Variants in CAMKV observed in about 807,000 individuals in gnomAD.
The protein encoded by CAMKV is CaM kinase like vesicle associated, also known as caM kinase-like vesicle-associated protein.
In CAMKV, 5 loss-of-function variants were observed where a neutral mutation model predicts 50.2. The observed-to-expected ratio is 0.10, with a 90% confidence interval of 0.05 to 0.21. The LOEUF is 0.21. Among genes scored for constraint, CAMKV ranks in the 10% least tolerant of loss-of-function variants. The pLI, the probability that CAMKV is intolerant of heterozygous loss-of-function variation, is 1.00. For missense variants in CAMKV, 361 were observed against 650.5 expected (o/e 0.55, Z 4.84); for synonymous variants, 229 against 250.1 (o/e 0.92, Z 0.80).
At position 49,861,107 on chromosome 3, in the gene CAMKV, T is replaced by G. The variant is rs746342901; in HGVS notation, c.562+73A>C. The G allele has an allele frequency of 6.3e-7, 1 of 1,596,250 alleles. No individual in the cohort carries two copies. The highest frequency in any genetic ancestry group is 8.5e-7 in the Non-Finnish European group (1 of 1,170,808). On this transcript the variant is annotated intron_variant, in intron 6 of 10. Transcript: ENST00000477224. The surrounding 1 kb of genome is among the most constrained non-coding windows in gnomAD (Gnocchi z 7.7). ...CCAGCTTCCTGAGATGAGCACATTT[T>G]CCCCCTGCCCAGAGCAGCTCCCTGA...
Position 49,861,240 on chromosome 3 carries a change from G to A in CAMKV, c.502C>T (p.His168Tyr). Residue 168 changes from histidine (H) to tyrosine (Y), a missense_variant, in exon 6 of 11, where the codon CAT (histidine) becomes TAT (tyrosine). Physicochemically the swap from His to Tyr is moderately conservative, Grantham distance 83 (BLOSUM62 2). Transcript: ENST00000477224. This position sits in a 1 kb window ranked among gnomAD's most constrained non-coding sequence, Gnocchi z 7.7. ...KNSKIVISDF[H>Y]LAKLENGLIK... ...AGGCCATTTTCTAGCTTAGCCAGAT[G>A]GAAGTCACTGATGACAATCTTCGAG... The A allele has an allele frequency of 1.9e-6, 3 of 1,614,040 alleles. No homozygotes were observed. Among genetic ancestry groups the A allele is most frequent in the Non-Finnish European group, 2.5e-6 (3 of 1,179,980 alleles).
In CAMKV at chr3:49,860,515, C is replaced by T. The variant is rs971476460; in HGVS notation, c.810G>A (p.Glu270=). The part of the protein sequence containing the change: ...KDLVTRLMEV[E]QDQRITAEEA... Reference sequence around the variant, plus strand: ...CTTCTGCAGTGATCCGCTGGTCTTGCTCCACCTCCATCAGCCTTGTGACCA... The same window carrying T: ...CTTCTGCAGTGATCCGCTGGTCTTGTTCCACCTCCATCAGCCTTGTGACCA... The change falls in exon 9 of 11, where the codon GAG becomes GAA. Residue 270 remains glutamate, a synonymous_variant. Transcript: ENST00000477224. The surrounding 1 kb of genome is among the most constrained non-coding windows in gnomAD (Gnocchi z 6.1). 5 of 1,613,504 alleles carry T rather than the reference C, an allele frequency of 3.1e-6. No homozygotes were observed. The highest frequency in any genetic ancestry group is 2.2e-5 in the South Asian group (2 of 90,952).
intron 1 of CAMKV, among the ~76,000 whole-genome samples, chr3:49,864,790 C>T (rs1034993875): frequency 2.0e-5 from 3 of 152,152 alleles, no homozygotes; most frequent in Non-Finnish European, 4.4e-5. Flanking sequence ...AGATGCTCCC[C>T]GACCTGAAGG....
chr3:49,865,855 C>A (rs918186864), intron 1 of CAMKV, among the ~76,000 whole-genome samples: 1 of 152,220 alleles, frequency 6.6e-6, no homozygotes, highest in Non-Finnish European at 1.5e-5. Flanking sequence ...GCCAGTGTGG[C>A]GTGGGTGGGA....
Position 49,862,268 on chromosome 3 carries a change from C to G in CAMKV, c.95+26G>C. 1.2e-6 allele frequency: 2 copies of G among 1,614,186 alleles called. No individual in the cohort carries two copies. Among genetic ancestry groups the G allele is most frequent in the East Asian group, 2.2e-5 (1 of 44,892 alleles). ...AGCCCCTGCTCACCAGCCCACCCAG[C>G]CTTGCCTGACAGGCCCGGCACTCAC... is the stretch of plus-strand genomic sequence containing the variant. On this transcript the variant is annotated intron_variant, in intron 2 of 10. Transcript: ENST00000477224. The surrounding 1 kb of genome is among the most constrained non-coding windows in gnomAD (Gnocchi z 5.2).
chr3:49,868,087 GC>G (rs1207733154), intron 1 of CAMKV, among the ~76,000 whole-genome samples: 1 of 152,180 alleles, frequency 6.6e-6, no homozygotes, highest in Non-Finnish European at 1.5e-5. Flanking sequence ...AGCTGCTGCA[GC>G]CCCCCAGTCA....
rs2081998779 is a variant in CAMKV, at chr3:49,859,064, G to T, written c.*254C>A. ...CAAGGAACAGAAACTGGTGAAGCTA[G>T]CAAAAGACAGAAAAGCCACAAGGAA... is the stretch of plus-strand genomic sequence containing the variant. On this transcript the variant is annotated 3_prime_UTR_variant, in exon 11 of 11. Coordinates refer to ENST00000477224, the MANE Select transcript of CAMKV (RefSeq NM_024046.5). This position sits in a 1 kb window ranked among gnomAD's most constrained non-coding sequence, Gnocchi z 5.5. 7.0e-6 allele frequency: 3 copies of T among 427,676 alleles called. No individual in the cohort carries two copies. Among genetic ancestry groups the T allele is most frequent in the Non-Finnish European group, 1.2e-5 (3 of 241,508 alleles). 26.5% of individuals were successfully genotyped at this position (427,676 alleles called of 1,614,324 possible). A position where few individuals can be genotyped will look rare whatever the true frequency, so the allele number is the denominator to read the frequency against.
At chr3:49,865,596 G>A (rs1158386269) in intron 1 of CAMKV, among the ~76,000 whole-genome samples, 2 of 152,232 alleles carry the variant, frequency 1.3e-5, no homozygotes, top group Non-Finnish European at 2.9e-5. Context: ...GGTAGGAAGT[G>A]TGGGCACTGG....
In CAMKV at chr3:49,858,548, A is replaced by C; in HGVS notation, c.*770T>G. 5.1e-6 allele frequency: 2 copies of C among 393,362 alleles called. No individual in the cohort carries two copies. The highest frequency in any genetic ancestry group is 4.4e-5 in the Admixed American group (1 of 22,560). 24.4% of individuals were successfully genotyped at this position (393,362 alleles called of 1,614,324 possible). A position where few individuals can be genotyped will look rare whatever the true frequency, so the allele number is the denominator to read the frequency against. ...CTTGTACTCTGCCCTGCCAGGTCTCATTGCCACGTCCTAATTGTTCCTCCT... is the reference window on the plus strand; with the variant it reads ...CTTGTACTCTGCCCTGCCAGGTCTCCTTGCCACGTCCTAATTGTTCCTCCT... On this transcript the variant is annotated 3_prime_UTR_variant, in exon 11 of 11. Transcript: ENST00000477224.
At position 49,858,908 on chromosome 3, in the gene CAMKV, G is replaced by A. The variant is rs1162122233; in HGVS notation, c.*410C>T. On this transcript the variant is annotated 3_prime_UTR_variant, in exon 11 of 11. Coordinates refer to ENST00000477224, the MANE Select transcript of CAMKV (RefSeq NM_024046.5). ...GGCCTCGCTGGAGGACCAGCTCTCA[G>A]GGCAAGGCCGCCCAAGTTTAGGGCC... 1 of 185,308 alleles carries A rather than the reference G, an allele frequency of 5.4e-6. No individual in the cohort carries two copies. The allele number at this position is 185,308 out of a possible 1,614,324, so 11.5% of individuals were successfully genotyped here.
intron 1 of CAMKV, among the ~76,000 whole-genome samples, chr3:49,867,390 G>C (rs1575410298): frequency 6.6e-6 from 1 of 152,202 alleles, no homozygotes; most frequent in East Asian, 1.9e-4. Context: ...CTCCAGTTTT[G>C]GGGGTGGGCA....
intron 1 of CAMKV, among the ~76,000 whole-genome samples, chr3:49,864,802 A>G (rs1291947132): frequency 1.3e-5 from 2 of 152,158 alleles, no homozygotes; most frequent in African/African-American, 4.8e-5. Flanking sequence ...ACCTGAAGGC[A>G]CTCACAGCCT....
At chr3:49,866,821 A>G (rs2082068725) in intron 1 of CAMKV, among the ~76,000 whole-genome samples, 1 of 152,224 alleles carries the variant, frequency 6.6e-6, no homozygotes, top group Non-Finnish European at 1.5e-5. Flanking sequence ...AAACGGGACA[A>G]AGGCCAAGAG....
intron 1 of CAMKV, among the ~76,000 whole-genome samples, chr3:49,864,239 G>A (rs192803183): frequency 6.6e-6 from 1 of 152,332 alleles, no homozygotes; most frequent in Non-Finnish European, 1.5e-5. Context: ...GCAGCATTAG[G>A]ACTCAGTAGG....
Position 49,862,323 on chromosome 3 carries a change from G to T in CAMKV, c.66C>A (p.Asp22Glu). 1 of 1,614,212 alleles carries T rather than the reference G, an allele frequency of 6.2e-7. No homozygotes were observed. The highest frequency in any genetic ancestry group is 1.1e-5 in the South Asian group (1 of 91,088). Residue 22 changes from aspartate (D) to glutamate (E), a missense_variant, in exon 2 of 11, where the codon GAC becomes GAA. By Grantham distance (45) the Asp-to-Glu change is conservative. This residue lies in a region of CAMKV where 172 missense variants were observed against 414.3 expected (regional missense o/e 0.42). Transcript: ENST00000477224. The surrounding 1 kb of genome is among the most constrained non-coding windows in gnomAD (Gnocchi z 5.2). ...TGATGACCTGTCCCAAATCATATCT[G>T]TCAGTCACCTCCGATGGCTGGTTAT... is the stretch of plus-strand genomic sequence containing the variant. ...KNYNQPSEVT[D>E]RYDLGQVIKT...
At chr3:49,866,450 G>C (rs17050876) in intron 1 of CAMKV, among the ~76,000 whole-genome samples, 1,795 of 152,314 alleles carry the variant, frequency 0.012, 47 homozygotes, top group African/African-American at 0.04. Flanking sequence ...CACAGGATCT[G>C]AGCTCTTCCT....
In CAMKV at chr3:49,861,271, C is replaced by T. The variant is rs569820460; in HGVS notation, c.471G>A (p.Leu157=). 7.5e-5 allele frequency: 121 copies of T among 1,614,128 alleles called. 2 individuals are homozygous for T. The Admixed American group carries it at 1.5e-3, about 20-fold the overall frequency. The change falls in exon 6 of 11, where the codon CTG becomes CTA. Residue 157 remains leucine (L), a synonymous_variant. Transcript: ENST00000477224. This position sits in a 1 kb window ranked among gnomAD's most constrained non-coding sequence, Gnocchi z 7.7. ...CACTGATGACAATCTTCGAGTTCTT[C>T]AGCCGGTTGTAGTAAACCAGGTTCT... The part of the protein sequence containing the change: ...KLENLVYYNR[L]KNSKIVISDF...
At position 49,862,751 on chromosome 3, in the gene CAMKV, A is replaced by T. The variant is rs1311252752; in HGVS notation, c.-14-349T>A. 1.3e-5 allele frequency among the ~76,000 whole-genome samples: 2 copies of T among 152,250 alleles called. No homozygotes were observed. Among genetic ancestry groups the T allele is most frequent in the Non-Finnish European group, 2.9e-5 (2 of 68,038 alleles). The stretch of plus-strand genomic sequence containing the variant: ...TGAAGGGGGCTATAACCACCCACCC[A>T]CCTGCTAGTCATCTCTGAAGGTCTA... On this transcript the variant is annotated intron_variant, in intron 1 of 10. Transcript: ENST00000477224. The surrounding 1 kb of genome is among the most constrained non-coding windows in gnomAD (Gnocchi z 5.2).
In CAMKV at chr3:49,859,766, C is replaced by T; in HGVS notation, c.1058G>A (p.Gly353Glu). The change falls in exon 11 of 11, where the codon GGG becomes GAG. Residue 353 changes from glycine (G) to glutamate (E), a missense_variant. Physicochemically the swap from Gly to Glu is moderately conservative, Grantham distance 98. This residue lies in a region of CAMKV where 87 missense variants were observed against 92.0 expected (regional missense o/e 0.95). Coordinates refer to ENST00000477224, the MANE Select transcript of CAMKV (RefSeq NM_024046.5). This position sits in a 1 kb window ranked among gnomAD's most constrained non-coding sequence, Gnocchi z 5.5. ...TDTATPGAAG[G>E]ATAAAASGAT... ...TCCACTCGCAGCTGCAGCTGTGGCCCCACCTGCAGCCCCGGGGGTGGCAGT... is the reference window on the plus strand; with the variant it reads ...TCCACTCGCAGCTGCAGCTGTGGCCTCACCTGCAGCCCCGGGGGTGGCAGT... 6.4e-7 allele frequency: 1 copy of T among 1,563,462 alleles called. No individual in the cohort carries two copies. The highest frequency in any genetic ancestry group is 8.7e-7 in the Non-Finnish European group (1 of 1,155,456).
Sources: gnomAD v4.1 joint callset for allele counts (sites outside exome capture counted in the v4.1 genomes callset) on GRCh38, gnomAD v4.1.1 for gene constraint, gnomAD v4.1.1 regional missense constraint, Gnocchi (gnomAD v3.1) non-coding constraint, MANE v1.5 for transcripts, NCBI Gene and HGNC (gene_info 2026-07-23, HGNC 2026-07-21) for gene names.